The following NR1H4 variants were observed in gnomAD, a reference collection of about 807,000 sequenced individuals.
NR1H4 encodes nuclear receptor subfamily 1 group H member 4.
A neutral mutation model predicts 58.5 loss-of-function variants in NR1H4; 23 were observed. That is an observed-to-expected ratio of 0.39 (90% CI 0.28 to 0.56). The LOEUF (loss-of-function observed/expected upper bound fraction) is 0.56. Ranked by LOEUF, NR1H4 falls within the 20% of genes least tolerant of loss-of-function variation. The probability of loss-of-function intolerance (pLI) is 0.58; values close to 1 mark genes in which losing one functional copy is unlikely to be tolerated. For missense variants in NR1H4, 487 were observed against 576.9 expected (o/e 0.84, Z 1.60); for synonymous variants, 214 against 198.0 (o/e 1.08, Z -0.68).
chr12:100,482,311 CCTT>C (rs1322690078), intron 1 of NR1H4, among the ~76,000 whole-genome samples: 1 of 152,060 alleles, frequency 6.6e-6, no homozygotes, highest in Non-Finnish European at 1.5e-5. Context: ...AAAAAAAAAT[CCTT>C]CTTCGGCTCT....
intron 4 of NR1H4, among the ~76,000 whole-genome samples, chr12:100,530,818 C>A (rs955517921): frequency 6.6e-6 from 1 of 152,084 alleles, no homozygotes; most frequent in Non-Finnish European, 1.5e-5. Context: ...GGTCCTGTTG[C>A]CCCAAGCCCA....
At chr12:100,526,193 A>ATT (rs5800410) in intron 4 of NR1H4, among the ~76,000 whole-genome samples, 11,130 of 143,970 alleles carry the variant, frequency 0.077, 919 homozygotes, top group African/African-American at 0.19. Context: ...AATTTTAAGT[A>ATT]TTTTTTTTTT....
chr12:100,539,313 A>C (rs1954884041), intron 8 of NR1H4, among the ~76,000 whole-genome samples: 1 of 152,226 alleles, frequency 6.6e-6, no homozygotes, highest in South Asian at 2.1e-4. Context: ...TAGGGATATA[A>C]TACCAGTACT....
intron 3 of NR1H4, among the ~76,000 whole-genome samples, chr12:100,497,405 C>T (rs541494369): frequency 2.0e-5 from 3 of 152,062 alleles, no homozygotes; most frequent in African/African-American, 7.2e-5. Flanking sequence ...CAGGTATGGC[C>T]GAGATCAGAG....
At chr12:100,476,593 C>T (rs1953276808) in intron 1 of NR1H4, among the ~76,000 whole-genome samples, 1 of 152,168 alleles carries the variant, frequency 6.6e-6, no homozygotes, top group Non-Finnish European at 1.5e-5. Context: ...TTCAAAGGCT[C>T]ACATTGTCAT....
intron 4 of NR1H4, among the ~76,000 whole-genome samples, chr12:100,524,370 C>G (rs1364123599): frequency 6.6e-6 from 1 of 152,140 alleles, no homozygotes; most frequent in Non-Finnish European, 1.5e-5. Context: ...TATTAGAAAC[C>G]CAGAACACCC....
chr12:100,540,905 T>C, intron 9 of NR1H4, 87 bp downstream of exon 9: 4 of 1,275,952 alleles, frequency 3.1e-6, no homozygotes, highest in Non-Finnish European at 4.5e-6. Context: ...GCCAATCTTA[T>C]GCAATGTTAT....
At chr12:100,518,788 C>CTTTTT (rs34055370) in intron 4 of NR1H4, among the ~76,000 whole-genome samples, 7 of 119,276 alleles carry the variant, frequency 5.9e-5, no homozygotes, top group Admixed American at 8.9e-5. Flanking sequence ...TGACCAATGA[C>CTTTTT]TTTTTTTTTT....
intron 4 of NR1H4, among the ~76,000 whole-genome samples, chr12:100,513,141 A>G (rs935198223): frequency 6.6e-6 from 1 of 152,190 alleles, no homozygotes; most frequent in Non-Finnish European, 1.5e-5. Context: ...AAATGAACTT[A>G]TACATTCGTT....
intron 3 of NR1H4, among the ~76,000 whole-genome samples, chr12:100,494,337 T>C (rs533397617): frequency 7.2e-5 from 11 of 152,208 alleles, no homozygotes; most frequent in African/African-American, 2.7e-4. Context: ...GGTCATTATT[T>C]GTAATAATTA....
intron 9 of NR1H4, among the ~76,000 whole-genome samples, chr12:100,558,692 A>G (rs932489710): frequency 2.0e-5 from 3 of 152,268 alleles, no homozygotes; most frequent in African/African-American, 7.2e-5. Flanking sequence ...AGTGAGCTAG[A>G]TAAAAGAGAA....
chr12:100,557,685 G>A (rs1335044515), intron 9 of NR1H4, among the ~76,000 whole-genome samples: 1 of 152,150 alleles, frequency 6.6e-6, no homozygotes, highest in Non-Finnish European at 1.5e-5. Context: ...AGGACATGCG[G>A]TATTTGATTT....
At chr12:100,531,896 G>A (rs533585360) in intron 4 of NR1H4, among the ~76,000 whole-genome samples, 88 of 152,270 alleles carry the variant, frequency 5.8e-4, no homozygotes, top group Admixed American at 5.1e-3. Flanking sequence ...CCTTGAATGC[G>A]ATTTTCTCCC....
chr12:100,513,711 C>T (rs898466855), intron 4 of NR1H4, among the ~76,000 whole-genome samples: 5 of 151,980 alleles, frequency 3.3e-5, no homozygotes, highest in African/African-American at 1.2e-4. Flanking sequence ...AGGAGAATTC[C>T]TCGAATCCAG....
chr12:100,548,370 TA>T (rs11304340), intron 9 of NR1H4, among the ~76,000 whole-genome samples: 33,199 of 137,368 alleles, frequency 0.24, 4,287 homozygotes, highest in East Asian at 0.44. Context: ...CCATCTCAAT[TA>T]AAAAAAAAAA....
Position 100,553,325 on chromosome 12 carries a change from G to C in NR1H4, c.1079-8560G>C, listed in dbSNP as rs945997588. 8.5e-5 allele frequency among the ~76,000 whole-genome samples: 13 copies of C among 152,280 alleles called. 1 individual carries two copies. The highest frequency in any genetic ancestry group is 3.1e-4 in the African/African-American group (13 of 41,566). On this transcript the variant is annotated intron_variant, in intron 9 of 10. Transcript: ENST00000392986. The stretch of plus-strand genomic sequence containing the variant: ...TTCCCACTCTTATAAAATGTATATG[G>C]TATTTCACACTCCAGTGAGAAGGAG...
Position 100,534,972 on chromosome 12 carries a change from C to T in NR1H4, c.681C>T (p.Asp227=). The T allele has an allele frequency of 6.2e-7, 1 of 1,614,154 alleles. No individual in the cohort carries two copies. ...KQHADQTVNE[D]SEGRDLRQVT... is the part of the protein sequence containing the mutation. ...ATGCAGATCAGACCGTGAATGAAGA[C>T]AGTGAAGGTCGTGACTTGCGACAAG... The change falls in exon 6 of 11, where the codon GAC becomes GAT. Residue 227 remains aspartate (D), a synonymous_variant. Coordinates refer to ENST00000392986, the MANE Select transcript of NR1H4 (RefSeq NM_001206979.2).
At chr12:100,546,418 G>A (rs752886311) in intron 9 of NR1H4, among the ~76,000 whole-genome samples, 9 of 152,022 alleles carry the variant, frequency 5.9e-5, no homozygotes, top group South Asian at 2.1e-4. Context: ...GTCCATTGCC[G>A]GGCGCGGTGG....
In NR1H4 at chr12:100,532,617, A is replaced by G; in HGVS notation, c.598+7A>G. On this transcript the variant is annotated splice_region_variant and intron_variant, in intron 5 of 10. Coordinates refer to ENST00000392986, the MANE Select transcript of NR1H4 (RefSeq NM_001206979.2). ...GCTGAATGTATGTATACAGGTATTC[A>G]CTTCAAGCAATTACATTTCACTAAA... 6.2e-7 allele frequency: 1 copy of G among 1,613,428 alleles called. No homozygotes were observed. The highest frequency in any genetic ancestry group is 1.1e-5 in the South Asian group (1 of 90,992).
Sources: allele counts gnomAD v4.1 joint callset (sites outside exome capture counted in the v4.1 genomes callset), GRCh38; gene constraint gnomAD v4.1.1; transcripts MANE v1.5; gene names NCBI Gene and HGNC (gene_info 2026-07-23, HGNC 2026-07-21).